The following ZNF469 variants were observed in gnomAD, a reference collection of about 807,000 sequenced individuals.
The protein encoded by ZNF469 is zinc finger protein 469.
In ZNF469, 1 loss-of-function variant was observed where a neutral mutation model predicts 1.0. The observed-to-expected ratio is 1.00, with a 90% CI of 0.35 to 4.73. ZNF469 has a LOEUF of 4.73. Ranked by LOEUF, ZNF469 falls within the 30% of genes most tolerant of loss-of-function variation. The pLI is 0.16. For missense variants in ZNF469, 6,100 were observed against 5,356.3 expected, an observed-to-expected ratio of 1.14 and a Z score of -4.33; for synonymous variants, 2,703 against 2,363.4, an observed-to-expected ratio of 1.14 and a Z score of -4.17.
the ZNF469 span, among the ~76,000 whole-genome samples, chr16:88,345,942 C>T: frequency 2.0e-5 from 3 of 152,148 alleles, no homozygotes; most frequent in African/African-American, 4.8e-5. Flanking sequence ...GACCTGGCAT[C>T]GCATCACCCT....
At chr16:88,421,410 G>A (rs1905452955) in intron 1 of ZNF469, among the ~76,000 whole-genome samples, 1 of 152,186 alleles carries the variant, frequency 6.6e-6, no homozygotes, top group African/African-American at 2.4e-5. Flanking sequence ...AACCCACACC[G>A]ACAGGCTGGC....
chr16:88,185,052 C>G, the ZNF469 span, among the ~76,000 whole-genome samples: 1 of 149,794 alleles, frequency 6.7e-6, no homozygotes, highest in African/African-American at 2.5e-5. Flanking sequence ...TATCCAGACA[C>G]CCACGCACAG....
intron 1 of ZNF469, among the ~76,000 whole-genome samples, chr16:88,388,270 A>T (rs978220804): frequency 6.6e-6 from 1 of 152,224 alleles, no homozygotes; most frequent in African/African-American, 2.4e-5. Flanking sequence ...CAGAGGCAGG[A>T]TGGGGGACAT....
At chr16:88,276,730 G>C in the ZNF469 span, among the ~76,000 whole-genome samples, 3 of 152,168 alleles carry the variant, frequency 2.0e-5, no homozygotes, top group Admixed American at 6.5e-5. Flanking sequence ...GCACCACGCT[G>C]ACACTCAGTC....
the ZNF469 span, among the ~76,000 whole-genome samples, chr16:88,312,281 C>G: frequency 2.6e-5 from 4 of 152,368 alleles, no homozygotes; most frequent in South Asian, 8.3e-4. Flanking sequence ...CAAAGCCTAT[C>G]AGTACGGTAG....
At chr16:88,425,670 G>A (rs900492612) in intron 2 of ZNF469, among the ~76,000 whole-genome samples, 6 of 152,160 alleles carry the variant, frequency 3.9e-5, no homozygotes, top group African/African-American at 9.7e-5. Context: ...GTGCTCAGAC[G>A]CCCAGCATCA....
the ZNF469 span, among the ~76,000 whole-genome samples, chr16:88,373,766 G>A: frequency 5.3e-5 from 8 of 152,190 alleles, no homozygotes; most frequent in East Asian, 9.6e-4. Flanking sequence ...GGAGGCTGAG[G>A]TGGACAGATC....
chr16:88,403,548 G>A (rs1156296424), intron 1 of ZNF469, among the ~76,000 whole-genome samples: 3 of 152,026 alleles, frequency 2.0e-5, no homozygotes, highest in Non-Finnish European at 4.4e-5. Context: ...AGCTGCCATC[G>A]AGGCCACCGT....
chr16:88,439,184 C>A lies in ZNF469; in HGVS notation c.11714C>A (p.Pro3905His). Reference protein sequence around the residue: ...FPQGRPLLRPPKRGTAVHGAE... With the variant: ...FPQGRPLLRPHKRGTAVHGAE... The stretch of plus-strand genomic sequence containing the variant: ...CAGGGGAGACCCCTGCTCAGGCCCC[C>A]CAAGAGGGGCACAGCTGTCCACGGT... Residue 3905 changes from proline to histidine, a missense_variant, in exon 3 of 3, where the codon CCC becomes CAC. By Grantham distance (77) the Pro-to-His change is moderately conservative (BLOSUM62 -2). Transcript: ENST00000565624. 4 of 1,550,448 alleles carry A rather than the reference C, an allele frequency of 2.6e-6. No homozygotes were observed. The highest frequency in any genetic ancestry group is 3.5e-6 in the Non-Finnish European group (4 of 1,146,964).
chr16:88,128,996 C>T, the ZNF469 span, among the ~76,000 whole-genome samples: 4 of 152,338 alleles, frequency 2.6e-5, no homozygotes, highest in East Asian at 3.9e-4. Flanking sequence ...GTGTGAAATA[C>T]GCATGTTTGC....
chr16:88,382,014 T>A (rs970614188), upstream of ZNF469, among the ~76,000 whole-genome samples: 2 of 152,234 alleles, frequency 1.3e-5, no homozygotes, highest in East Asian at 1.9e-4. Flanking sequence ...GGGACCTTTG[T>A]CTGAAGGACT....
chr16:88,393,628 G>A (rs1904550979), intron 1 of ZNF469, among the ~76,000 whole-genome samples: 1 of 152,182 alleles, frequency 6.6e-6, no homozygotes. Context: ...GGGTTCGGGT[G>A]GGGGTCAGCC....
chr16:88,119,526 C>T, the ZNF469 span, among the ~76,000 whole-genome samples: 1 of 152,222 alleles, frequency 6.6e-6, no homozygotes, highest in Non-Finnish European at 1.5e-5. Context: ...CCAAAGTTTT[C>T]GTCAGAATGC....
chr16:88,395,534 T>C (rs1172175893), intron 1 of ZNF469, among the ~76,000 whole-genome samples: 1 of 152,172 alleles, frequency 6.6e-6, no homozygotes, highest in Admixed American at 6.5e-5. Flanking sequence ...TGTTCTTGGT[T>C]TGGGTGTGCC....
intron 1 of ZNF469, among the ~76,000 whole-genome samples, chr16:88,401,896 GTGGATGGA>G: frequency 2.3e-5 from 1 of 43,058 alleles, no homozygotes; most frequent in South Asian, 5.5e-4. Flanking sequence ...GAGTGGGTGA[GTGGATGGA>G]TGGAGGGATG....
At chr16:88,275,356 A>G in the ZNF469 span, among the ~76,000 whole-genome samples, 1 of 152,176 alleles carries the variant, frequency 6.6e-6, no homozygotes, top group African/African-American at 2.4e-5. Flanking sequence ...CAGAGACAAG[A>G]AAACATGTCT....
chr16:88,240,679 G>T, the ZNF469 span, among the ~76,000 whole-genome samples: 1 of 152,120 alleles, frequency 6.6e-6, no homozygotes, highest in South Asian at 2.1e-4. Context: ...TCAAAATAGG[G>T]GAAATTAACC....
the ZNF469 span, among the ~76,000 whole-genome samples, chr16:88,236,438 T>C: frequency 2.0e-5 from 3 of 152,250 alleles, no homozygotes; most frequent in African/African-American, 7.2e-5. Flanking sequence ...TGGGCCTGAA[T>C]TCCATAGGGA....
At chr16:88,304,056 T>C in the ZNF469 span, among the ~76,000 whole-genome samples, 3 of 152,194 alleles carry the variant, frequency 2.0e-5, no homozygotes, top group African/African-American at 4.8e-5. Context: ...CCTGGGCTGT[T>C]ATGCAGACCA....
Sources: gnomAD v4.1 joint callset for allele counts (sites outside exome capture counted in the v4.1 genomes callset) on GRCh38, gnomAD v4.1.1 for gene constraint, MANE v1.5 for transcripts, NCBI Gene and HGNC (gene_info 2026-07-23, HGNC 2026-07-21) for gene names.